The following ZNF566 variants were observed in gnomAD, a reference collection of about 807,000 sequenced individuals.
ZNF566 encodes zinc finger protein 566.
In ZNF566, 27 loss-of-function variants were observed where a neutral mutation model predicts 32.8. That is an observed-to-expected ratio of 0.82 (90% CI 0.61 to 1.14). The LOEUF (loss-of-function observed/expected upper bound fraction) is 1.14, where lower values mean the gene tolerates loss of function less well. ZNF566 is among the 50% of genes most tolerant of loss of function. The pLI, the probability that ZNF566 is intolerant of heterozygous loss-of-function variation, is 0.00. For missense variants in ZNF566, 402 were observed against 490.4 expected, an observed-to-expected ratio of 0.82 and a Z score of 1.70; for synonymous variants, 154 against 159.5, an observed-to-expected ratio of 0.97 and a Z score of 0.26.
chr19:36,477,552 T>TTTTTTTTTTTTTTTTTTG (rs2033925565), intron 1 of ZNF566, among the ~76,000 whole-genome samples: 1 of 131,402 alleles, frequency 7.6e-6, no homozygotes, highest in Admixed American at 7.9e-5. Context: ...TTTGTTTGTT[T>TTTTTTTTTTTTTTTTTTG]TTTTGAGACG....
chr19:36,481,967 C>T (rs1166727521), intron 1 of ZNF566, among the ~76,000 whole-genome samples: 1 of 152,090 alleles, frequency 6.6e-6, no homozygotes. Flanking sequence ...CAAAAGAGTG[C>T]CTAGAGAATG....
intron 2 of ZNF566, among the ~76,000 whole-genome samples, chr19:36,475,838 C>T (rs1022468167): frequency 6.6e-6 from 1 of 152,066 alleles, no homozygotes; most frequent in African/African-American, 2.4e-5. Context: ...CAGGTTTTTA[C>T]ATTACATAAT....
chr19:36,445,488 T>C lies in ZNF566; in HGVS notation c.*3489A>G, dbSNP rs2032970776. On this transcript the variant is annotated 3_prime_UTR_variant, in exon 5 of 5. Coordinates refer to ENST00000452939, the MANE Select transcript of ZNF566 (RefSeq NM_001145344.1). ...TCCTTTATTCTCTTGCCCTCTGAAA[T>C]CTTCCAGAAGCAAAACCTTCCTAGG... The C allele has an allele frequency of 6.6e-6, 1 of 152,188 alleles. No homozygotes were observed. 9.4% of individuals were successfully genotyped at this position (152,188 alleles called of 1,614,324 possible).
rs571227691 is a variant in ZNF566 at position 36,486,863 on chromosome 19, T to C, written c.-60+2623A>G. Reference sequence around the variant, plus strand: ...GGCTGGGTGCAGTGGCTCACACTTATAATCCCAGGATTTTGGGAGGCTGAG... The same window carrying C: ...GGCTGGGTGCAGTGGCTCACACTTACAATCCCAGGATTTTGGGAGGCTGAG... On this transcript the variant is annotated intron_variant, in intron 1 of 4. Transcript: ENST00000452939. Among the ~76,000 whole-genome samples the C allele has an allele frequency of 1.1e-4, 16 of 151,830 alleles. No individual in the cohort carries two copies. In the East Asian group the frequency reaches 2.7e-3, roughly 26 times the overall value.
chr19:36,447,943 G>A lies in ZNF566; in HGVS notation c.*1034C>T, dbSNP rs776329548. The A allele has an allele frequency of 2.6e-5, 4 of 152,082 alleles. No individual in the cohort carries two copies. Among genetic ancestry groups the A allele is most frequent in the Non-Finnish European group, 5.9e-5 (4 of 68,006 alleles). 9.4% of individuals were successfully genotyped at this position (152,082 alleles called of 1,614,324 possible). Reference sequence around the variant, plus strand: ...TGATGATGATGAATATAATAACGATGACTAACATTCAGTGAGTATGTATTT... The same window carrying A: ...TGATGATGATGAATATAATAACGATAACTAACATTCAGTGAGTATGTATTT... On this transcript the variant is annotated 3_prime_UTR_variant, in exon 5 of 5. Transcript: ENST00000452939.
intron 1 of ZNF566, among the ~76,000 whole-genome samples, chr19:36,485,154 A>C (rs1450926788): frequency 6.6e-6 from 1 of 151,908 alleles, no homozygotes; most frequent in African/African-American, 2.4e-5. Flanking sequence ...GCAAATTGAA[A>C]GATATTCTGC....
intron 4 of ZNF566, among the ~76,000 whole-genome samples, 170 bp from the exon 5 acceptor site, chr19:36,450,171 G>C (rs1258981788): frequency 6.6e-6 from 1 of 152,182 alleles, no homozygotes; most frequent in African/African-American, 2.4e-5. Context: ...GGAAAACAAA[G>C]TAAGTCACTG....
At chr19:36,454,942 A>G (rs1383041424) in intron 4 of ZNF566, among the ~76,000 whole-genome samples, 1 of 152,192 alleles carries the variant, frequency 6.6e-6, no homozygotes, top group South Asian at 2.1e-4. Context: ...TTACAGGCCA[A>G]TATCCCTGAT....
At chr19:36,477,005 T>TA (rs1401716144) in intron 1 of ZNF566, among the ~76,000 whole-genome samples, 5 of 151,660 alleles carry the variant, frequency 3.3e-5, no homozygotes, top group Non-Finnish European at 7.4e-5. Context: ...GGATATAACT[T>TA]AATTTTTTTT....
At chr19:36,459,065 G>C (rs1034428600) in intron 4 of ZNF566, among the ~76,000 whole-genome samples, 1 of 151,928 alleles carries the variant, frequency 6.6e-6, no homozygotes, top group Non-Finnish European at 1.5e-5. Context: ...TAAAGCTAGG[G>C]AAAAAGCTGG....
rs541613918 is a variant in ZNF566 at position 36,448,954 on chromosome 19, C to T, written c.*23G>A. 5 of 1,536,070 alleles carry T rather than the reference C, an allele frequency of 3.3e-6. No homozygotes were observed. In the South Asian group the frequency reaches 3.9e-5, roughly 12 times the overall value. On this transcript the variant is annotated 3_prime_UTR_variant, in exon 5 of 5. Coordinates refer to ENST00000452939, the MANE Select transcript of ZNF566 (RefSeq NM_001145344.1). ...TGAGCCATAATTAAAAGCCTCCCTA[C>T]ACATTTCATATATTCTGTTTCATCA...
chr19:36,459,518 CTT>C (rs963913140), intron 4 of ZNF566, among the ~76,000 whole-genome samples: 1 of 141,106 alleles, frequency 7.1e-6, no homozygotes, highest in Admixed American at 7.1e-5. Context: ...CAGCCTATTA[CTT>C]TTTTTTTTTG....
intron 1 of ZNF566, among the ~76,000 whole-genome samples, chr19:36,484,926 C>T (rs556411777): frequency 1.3e-5 from 2 of 152,136 alleles, no homozygotes; most frequent in East Asian, 3.9e-4. Context: ...CCACAAGATA[C>T]TTATTCAATA....
At chr19:36,486,321 C>T (rs565708423) in intron 1 of ZNF566, among the ~76,000 whole-genome samples, 1 of 152,214 alleles carries the variant, frequency 6.6e-6, no homozygotes, top group African/African-American at 2.4e-5. Flanking sequence ...TTCATCATTG[C>T]ACTGTGGGCA....
chr19:36,482,259 C>G (rs1330863107), intron 1 of ZNF566, among the ~76,000 whole-genome samples: 2 of 152,192 alleles, frequency 1.3e-5, no homozygotes, highest in African/African-American at 2.4e-5. Context: ...GCGCCCGCCA[C>G]CACGCCCGGC....
At chr19:36,463,079 G>A (rs1429852768) in intron 4 of ZNF566, among the ~76,000 whole-genome samples, 1 of 151,598 alleles carries the variant, frequency 6.6e-6, no homozygotes, top group Non-Finnish European at 1.5e-5. Flanking sequence ...CAAGATGGGA[G>A]GACTGCTTGA....
At chr19:36,458,248 C>A (rs2033369441) in intron 4 of ZNF566, among the ~76,000 whole-genome samples, 1 of 152,026 alleles carries the variant, frequency 6.6e-6, no homozygotes, top group African/African-American at 2.4e-5. Context: ...TGTATACACA[C>A]ACACATACAC....
At chr19:36,470,494 C>T (rs755425322) in intron 4 of ZNF566, among the ~76,000 whole-genome samples, 10 of 152,326 alleles carry the variant, frequency 6.6e-5, no homozygotes, top group Admixed American at 5.9e-4. Context: ...CCACTGATAA[C>T]ATTTCAATGG....
At chr19:36,480,044 G>C (rs553268561) in intron 1 of ZNF566, among the ~76,000 whole-genome samples, 153 of 152,064 alleles carry the variant, frequency 1.0e-3, no homozygotes, top group Admixed American at 1.8e-3. Flanking sequence ...CAAGGCTTTG[G>C]GGGGAATAAG....
Sources: allele counts gnomAD v4.1 joint callset (sites outside exome capture counted in the v4.1 genomes callset), GRCh38; gene constraint gnomAD v4.1.1; transcripts MANE v1.5; gene names NCBI Gene and HGNC (gene_info 2026-07-23, HGNC 2026-07-21).